NRXN3: variants seen among roughly 807,000 people sequenced by gnomAD.
The protein encoded by NRXN3 is neurexin 3, also known as neurexin III.
NRXN3 carries 32 observed loss-of-function variants against 137.6 expected under a neutral mutation model. That is an observed-to-expected ratio of 0.23 (90% CI 0.18 to 0.31). The LOEUF (loss-of-function observed/expected upper bound fraction) is 0.31. NRXN3 is among the 10% of genes least tolerant of loss of function. The pLI, the probability that NRXN3 is intolerant of heterozygous loss-of-function variation, is 1.00. For missense variants in NRXN3, 1,574 were observed against 2,062.5 expected, an observed-to-expected ratio of 0.76 and a Z score of 4.59; for synonymous variants, 798 against 784.5, an observed-to-expected ratio of 1.02 and a Z score of -0.29.
chr14:78,880,353 C>T (rs950643627), intron 10 of NRXN3, among the ~76,000 whole-genome samples: 1 of 151,886 alleles, frequency 6.6e-6, no homozygotes, highest in Non-Finnish European at 1.5e-5. Flanking sequence ...TACCCATTAC[C>T]TCTCTTAGGC....
chr14:79,175,036 A>G (rs571330350), intron 15 of NRXN3, among the ~76,000 whole-genome samples: 176 of 144,974 alleles, frequency 1.2e-3, no homozygotes, highest in African/African-American at 4.3e-3. Context: ...GCTGGAGTGC[A>G]GTGGTGCCAT....
chr14:78,958,777 A>G (rs1307825532), intron 11 of NRXN3, among the ~76,000 whole-genome samples: 1 of 152,158 alleles, frequency 6.6e-6, no homozygotes, highest in African/African-American at 2.4e-5. Flanking sequence ...TACATGAAAC[A>G]CTGTTGCCAT....
At chr14:79,052,411 T>C (rs2099643248) in intron 15 of NRXN3, among the ~76,000 whole-genome samples, 1 of 152,232 alleles carries the variant, frequency 6.6e-6, no homozygotes, top group Admixed American at 6.5e-5. Context: ...TCAGAGGACC[T>C]GAGACTTGCG....
intron 10 of NRXN3, among the ~76,000 whole-genome samples, chr14:78,953,238 A>G (rs1479018557): frequency 2.6e-5 from 4 of 152,196 alleles, no homozygotes; most frequent in African/African-American, 7.2e-5. Context: ...GAAAAATCTG[A>G]TAATAGCTGA....
chr14:78,630,051 A>G (rs2097505091), intron 4 of NRXN3, among the ~76,000 whole-genome samples: 1 of 152,200 alleles, frequency 6.6e-6, no homozygotes, highest in African/African-American at 2.4e-5. Flanking sequence ...CATCTGATCC[A>G]TGTAGAATGA....
intron 15 of NRXN3, among the ~76,000 whole-genome samples, chr14:79,005,728 CTG>C (rs2099551057): frequency 2.0e-5 from 3 of 151,996 alleles, no homozygotes; most frequent in Non-Finnish European, 2.9e-5. Flanking sequence ...GGGCCTTGTA[CTG>C]AATATTTGTG....
chr14:78,942,068 T>A (rs2099354148), intron 10 of NRXN3, among the ~76,000 whole-genome samples: 1 of 152,172 alleles, frequency 6.6e-6, no homozygotes, highest in South Asian at 2.1e-4. Context: ...GTCGTCTTAA[T>A]GGAAAGTGTG....
At chr14:79,841,372 G>GCTAC (rs1428013310) in intron 20 of NRXN3, among the ~76,000 whole-genome samples, 1 of 152,126 alleles carries the variant, frequency 6.6e-6, no homozygotes, top group Non-Finnish European at 1.5e-5. Flanking sequence ...ATGTCCAGCT[G>GCTAC]CTACCACCCA....
chr14:79,242,880 T>C (rs1389260946), intron 15 of NRXN3, among the ~76,000 whole-genome samples: 1 of 152,178 alleles, frequency 6.6e-6, no homozygotes, highest in Non-Finnish European at 1.5e-5. Context: ...TGTTTTACAG[T>C]GTATCATGCC....
intron 20 of NRXN3, among the ~76,000 whole-genome samples, chr14:79,810,910 G>T (rs2099230061): frequency 1.3e-5 from 2 of 152,302 alleles, no homozygotes; most frequent in Middle Eastern, 3.4e-3. Flanking sequence ...TGTGCTGATT[G>T]TTGGCCTTAA....
chr14:79,445,832 T>C (rs187915931), intron 15 of NRXN3, among the ~76,000 whole-genome samples: 1 of 152,224 alleles, frequency 6.6e-6, no homozygotes, highest in African/African-American at 2.4e-5. Flanking sequence ...GGAGGGCCTT[T>C]GGGGCTGTTG....
intron 12 of NRXN3, among the ~76,000 whole-genome samples, chr14:78,966,974 GAGTATT>G (rs1236896423): frequency 1.3e-5 from 2 of 152,134 alleles, no homozygotes; most frequent in African/African-American, 2.4e-5. Flanking sequence ...TGACTCTGGA[GAGTATT>G]AGTAGGTAGT....
chr14:78,603,491 G>A (rs1348231439), intron 4 of NRXN3, among the ~76,000 whole-genome samples: 1 of 152,192 alleles, frequency 6.6e-6, no homozygotes, highest in East Asian at 1.9e-4. Flanking sequence ...AATTTAGAAA[G>A]AGAGAGGACT....
intron 4 of NRXN3, among the ~76,000 whole-genome samples, chr14:78,444,779 C>T (rs113616743): frequency 0.026 from 3,985 of 151,774 alleles, 167 homozygotes; most frequent in African/African-American, 0.084. Context: ...ATGAGCCGGG[C>T]CTCATGGTGG....
intron 15 of NRXN3, among the ~76,000 whole-genome samples, chr14:79,177,092 A>G (rs557187781): frequency 1.1e-3 from 168 of 152,202 alleles, no homozygotes; most frequent in Non-Finnish European, 1.3e-3. Flanking sequence ...GAAGGTGAGG[A>G]TGACTTATCT....
intron 4 of NRXN3, among the ~76,000 whole-genome samples, chr14:78,368,137 C>G (rs2086254299): frequency 6.6e-6 from 1 of 152,270 alleles, no homozygotes; most frequent in African/African-American, 2.4e-5. Flanking sequence ...AGTCTTTTTA[C>G]TAAATTAGGC....
intron 4 of NRXN3, among the ~76,000 whole-genome samples, chr14:78,532,213 C>T (rs1039639766): frequency 2.0e-5 from 3 of 150,460 alleles, no homozygotes; most frequent in Admixed American, 6.6e-5. Flanking sequence ...CCCAGCTACT[C>T]GGGAGGCTGA....
At chr14:79,353,749 G>C (rs1448673094) in intron 15 of NRXN3, among the ~76,000 whole-genome samples, 1 of 152,068 alleles carries the variant, frequency 6.6e-6, no homozygotes, top group Non-Finnish European at 1.5e-5. Context: ...ATTGACACTT[G>C]GGTATCATGA....
At chr14:79,473,694 C>T (rs1461884161) in intron 16 of NRXN3, among the ~76,000 whole-genome samples, 4 of 152,290 alleles carry the variant, frequency 2.6e-5, no homozygotes, top group East Asian at 1.9e-4. Flanking sequence ...AATTTCGTTT[C>T]CCATGGAGTG....
Sources: gnomAD v4.1 joint callset for allele counts (sites outside exome capture counted in the v4.1 genomes callset) on GRCh38, gnomAD v4.1.1 for gene constraint, MANE v1.5 for transcripts, NCBI Gene and HGNC (gene_info 2026-07-23, HGNC 2026-07-21) for gene names.